Variants in ATOSA observed in about 807,000 individuals in gnomAD.
ATOSA encodes atos homolog protein A.
the ATOSA span, among the ~76,000 whole-genome samples, chr15:52,610,909 A>C: frequency 6.6e-6 from 1 of 152,236 alleles, no homozygotes; most frequent in Non-Finnish European, 1.5e-5. Flanking sequence ...AGTAAGCTTA[A>C]AAGTTCTCTT....
At chr15:52,613,985 ATGAG>A in the ATOSA span, 1 of 826,728 alleles carries the variant, frequency 1.2e-6, no homozygotes, top group Non-Finnish European at 2.0e-6. Flanking sequence ...AATAATAAAA[ATGAG>A]AATCAAAATA....
At chr15:52,660,214 C>T in the ATOSA span, among the ~76,000 whole-genome samples, 7 of 152,148 alleles carry the variant, frequency 4.6e-5, no homozygotes, top group Non-Finnish European at 1.0e-4. Flanking sequence ...CTGTGCCAAC[C>T]TGTGACAGGT....
chr15:52,593,296 T>G, the ATOSA span: 1 of 319,234 alleles, frequency 3.1e-6, no homozygotes, highest in Admixed American at 4.8e-5. Flanking sequence ...AGAATGTGTG[T>G]GAACTCAGCA....
chr15:52,666,989 C>T, the ATOSA span, among the ~76,000 whole-genome samples: 7 of 151,504 alleles, frequency 4.6e-5, no homozygotes, highest in African/African-American at 1.7e-4. Context: ...ATATTCTGAG[C>T]GAAGATATCA....
the ATOSA span, chr15:52,613,715 G>T: frequency 6.2e-7 from 1 of 1,613,900 alleles, no homozygotes; most frequent in African/African-American, 1.3e-5. Flanking sequence ...TAGTTACTGG[G>T]TAACAAGACT....
the ATOSA span, among the ~76,000 whole-genome samples, chr15:52,702,274 T>C: frequency 1.3e-5 from 2 of 152,158 alleles, no homozygotes; most frequent in African/African-American, 4.8e-5. Flanking sequence ...TATATCCAGA[T>C]GAAAAATCTT....
chr15:52,690,458 A>G, the ATOSA span, among the ~76,000 whole-genome samples: 1 of 152,258 alleles, frequency 6.6e-6, no homozygotes, highest in Non-Finnish European at 1.5e-5. Flanking sequence ...TAAGGATGTA[A>G]CATTAAAACC....
chr15:52,600,019 A>G, the ATOSA span: 5 of 506,244 alleles, frequency 9.9e-6, no homozygotes, highest in Non-Finnish European at 1.4e-5. Flanking sequence ...TTGAAAAAAG[A>G]CAATTATTTC....
chr15:52,688,178 C>T, the ATOSA span, among the ~76,000 whole-genome samples: 1 of 152,112 alleles, frequency 6.6e-6, no homozygotes, highest in African/African-American at 2.4e-5. Flanking sequence ...AATGGCAAAC[C>T]AAAGTAGCTA....
the ATOSA span, chr15:52,679,459 C>CCCCGGCGG: frequency 6.6e-6 from 1 of 152,666 alleles, no homozygotes; most frequent in East Asian, 1.9e-4. Flanking sequence ...GCCTCCGCGG[C>CCCCGGCGG]CCTGGCGCCC....
the ATOSA span, among the ~76,000 whole-genome samples, chr15:52,630,173 T>C: frequency 2.6e-5 from 4 of 152,134 alleles, no homozygotes; most frequent in African/African-American, 9.7e-5. Flanking sequence ...CTCCTATAAA[T>C]ATAGCTTAAA....
the ATOSA span, among the ~76,000 whole-genome samples, chr15:52,620,848 G>C: frequency 2.6e-5 from 4 of 152,168 alleles, no homozygotes; most frequent in Non-Finnish European, 4.4e-5. Flanking sequence ...AGAGGAAGGA[G>C]GATCACTTGA....
the ATOSA span, among the ~76,000 whole-genome samples, chr15:52,600,849 T>C: frequency 0.014 from 1,929 of 135,026 alleles, 49 homozygotes; most frequent in African/African-American, 0.055. Context: ...ACTAGAAATA[T>C]ATAAAACCAC....
the ATOSA span, chr15:52,678,120 A>G: frequency 7.1e-7 from 1 of 1,407,152 alleles, no homozygotes; most frequent in Non-Finnish European, 1.0e-6. Context: ...CGCTTTCAAA[A>G]TGCTGAAAGA....
At chr15:52,702,608 G>A in the ATOSA span, among the ~76,000 whole-genome samples, 626 of 152,010 alleles carry the variant, frequency 4.1e-3, 10 homozygotes, top group African/African-American at 0.015. Context: ...GAACTACTGG[G>A]GGCAGGGAGG....
the ATOSA span, among the ~76,000 whole-genome samples, chr15:52,598,076 G>T: frequency 6.6e-6 from 1 of 151,956 alleles, no homozygotes; most frequent in South Asian, 2.1e-4. Flanking sequence ...GTGAGCCAAG[G>T]TTGCACCATT....
At chr15:52,687,697 A>G in the ATOSA span, among the ~76,000 whole-genome samples, 1 of 152,210 alleles carries the variant, frequency 6.6e-6, no homozygotes, top group African/African-American at 2.4e-5. Context: ...AGGAGGTTAA[A>G]CATAAGCAAT....
the ATOSA span, among the ~76,000 whole-genome samples, chr15:52,700,163 C>A: frequency 6.6e-6 from 1 of 152,104 alleles, no homozygotes; most frequent in African/African-American, 2.4e-5. Context: ...AGGAACAACT[C>A]TATGATCTTC....
chr15:52,670,511 T>C, the ATOSA span, among the ~76,000 whole-genome samples: 180 of 152,350 alleles, frequency 1.2e-3, no homozygotes, highest in African/African-American at 4.1e-3. Flanking sequence ...TTAACTTTTC[T>C]TGCATTATAG....
Sources: gnomAD v4.1 joint callset for allele counts (sites outside exome capture counted in the v4.1 genomes callset) on GRCh38, gnomAD v4.1.1 for gene constraint, MANE v1.5 for transcripts, NCBI Gene and HGNC (gene_info 2026-07-23, HGNC 2026-07-21) for gene names.